The following WDPCP variants were observed in gnomAD, a reference collection of about 807,000 sequenced individuals.
WDPCP encodes WD repeat-containing and planar cell polarity effector protein fritz homolog.
WDPCP carries 71 observed loss-of-function variants against 93.1 expected under a neutral mutation model. The observed-to-expected ratio is 0.76, with a 90% CI of 0.63 to 0.93. WDPCP has a LOEUF of 0.93. Ranked by LOEUF, WDPCP falls within the 40% of genes least tolerant of loss-of-function variation. WDPCP has a pLI of 0.00. For missense variants in WDPCP, 844 were observed against 887.4 expected (o/e 0.95, Z 0.62); for synonymous variants, 315 against 315.0 (o/e 1.00, Z 0.00).
At chr2:63,653,946 CAAGA>C (rs1710137436) in intron 2 of WDPCP, among the ~76,000 whole-genome samples, 1 of 149,368 alleles carries the variant, frequency 6.7e-6, no homozygotes, top group Admixed American at 6.7e-5. Flanking sequence ...TGCAAAGACA[CAAGA>C]AAGTGTGGCT....
At chr2:63,592,727 C>A (rs1709224117), upstream of WDPCP, among the ~76,000 whole-genome samples, 1 of 152,234 alleles carries the variant, frequency 6.6e-6, no homozygotes, top group Non-Finnish European at 1.5e-5. Context: ...AGTTCTTATA[C>A]ATTTCCATCT....
At chr2:63,661,740 A>C (rs938805725) in intron 2 of WDPCP, among the ~76,000 whole-genome samples, 3 of 152,210 alleles carry the variant, frequency 2.0e-5, no homozygotes, top group Non-Finnish European at 4.4e-5. Context: ...AGCTGACATA[A>C]TAGATGCTAA....
rs938891497 is a variant in WDPCP at position 63,212,274 on chromosome 2, A to C, written c.1916-37442T>G. Among the ~76,000 whole-genome samples, 21 of 152,370 alleles carry C rather than the reference A, an allele frequency of 1.4e-4. 1 individual carries two copies. The highest frequency in any genetic ancestry group is 4.6e-4 in the African/African-American group (19 of 41,594). On this transcript the variant is annotated intron_variant, in intron 14 of 17. Transcript: ENST00000272321. ...TCAGACTAACAGCAGATCTCTTCAC[A>C]GAAACTCTACAAGCCAGAAGAGAGT...
At chr2:63,265,883 A>G (rs1320350675) in intron 13 of WDPCP, among the ~76,000 whole-genome samples, 2 of 152,228 alleles carry the variant, frequency 1.3e-5, no homozygotes, top group Admixed American at 1.3e-4. Context: ...AGTGTGATAC[A>G]GTGTATTAAC....
intron 17 of WDPCP, among the ~76,000 whole-genome samples, chr2:63,144,036 TC>T (rs1671283512): frequency 6.6e-6 from 1 of 152,218 alleles, no homozygotes; most frequent in African/African-American, 2.4e-5. Flanking sequence ...AGATATGTTT[TC>T]CAAGCTTTTA....
intron 17 of WDPCP, among the ~76,000 whole-genome samples, chr2:63,126,177 G>T (rs904115199): frequency 6.7e-6 from 1 of 150,138 alleles, no homozygotes; most frequent in African/African-American, 2.5e-5. Flanking sequence ...CAAGTGATCC[G>T]CCTGCCTTGA....
At chr2:63,804,579 T>C (rs536232379) in intron 2 of WDPCP, among the ~76,000 whole-genome samples, 4 of 150,646 alleles carry the variant, frequency 2.7e-5, no homozygotes, top group East Asian at 2.0e-4. Context: ...ATCCTAACTC[T>C]ATGTGTCCTT....
chr2:63,819,047 T>C lies in WDPCP; in HGVS notation n.223-5340A>G, dbSNP rs142219184. On this transcript the variant is annotated intron_variant and non_coding_transcript_variant, in intron 1 of 4. Transcript: ENST00000467687. ...ACACACATAGATATATGCACTCTTA[T>C]ATATGTTTTCTCCATATATCACAGT... Among the ~76,000 whole-genome samples the C allele has an allele frequency of 5.1e-4, 78 of 152,340 alleles. No homozygotes were observed. In the East Asian group the frequency reaches 0.013, roughly 24 times the overall value.
At chr2:63,696,650 G>A (rs1390169152) in intron 2 of WDPCP, among the ~76,000 whole-genome samples, 6 of 152,212 alleles carry the variant, frequency 3.9e-5, no homozygotes, top group Admixed American at 6.5e-5. Flanking sequence ...CAGAGCCCAC[G>A]TGGCTGAGAC....
At chr2:63,622,526 G>T (rs910393564) in intron 3 of WDPCP, 35 of 1,613,698 alleles carry the variant, frequency 2.2e-5, no homozygotes, top group Non-Finnish European at 3.0e-5. Flanking sequence ...TCAGCCGGGC[G>T]TGGTTGATGT....
intron 2 of WDPCP, among the ~76,000 whole-genome samples, chr2:63,803,351 T>A (rs1329445678): frequency 6.6e-6 from 1 of 152,236 alleles, no homozygotes; most frequent in African/African-American, 2.4e-5. Flanking sequence ...ATATATGGAA[T>A]ACCCACTAAA....
chr2:63,161,820 G>A (rs1672668258), intron 15 of WDPCP, among the ~76,000 whole-genome samples: 1 of 151,314 alleles, frequency 6.6e-6, no homozygotes, highest in African/African-American at 2.4e-5. Context: ...CTGGAGTGCG[G>A]TGGCACGATC....
chr2:63,273,822 C>A (rs1480534649), intron 13 of WDPCP, among the ~76,000 whole-genome samples: 1 of 143,730 alleles, frequency 7.0e-6, no homozygotes, highest in Non-Finnish European at 1.6e-5. Context: ...CACACACACA[C>A]ACACGCACAC....
chr2:63,544,012 G>T (rs1704947248), intron 1 of WDPCP, among the ~76,000 whole-genome samples: 1 of 152,072 alleles, frequency 6.6e-6, no homozygotes, highest in Non-Finnish European at 1.5e-5. Context: ...CCAATAGCTT[G>T]AGACTTCTAG....
intron 2 of WDPCP, among the ~76,000 whole-genome samples, chr2:63,489,989 T>C (rs1700781501): frequency 6.6e-6 from 1 of 151,860 alleles, no homozygotes; most frequent in Non-Finnish European, 1.5e-5. Context: ...ATAGGATGCA[T>C]TGAAATGCAT....
intron 10 of WDPCP, among the ~76,000 whole-genome samples, chr2:63,401,314 C>T (rs1448608007): frequency 6.6e-6 from 1 of 152,122 alleles, no homozygotes; most frequent in Non-Finnish European, 1.5e-5. Flanking sequence ...AAACAAACAA[C>T]CCCATCAAAA....
chr2:63,479,816 G>A (rs1267322820), intron 6 of WDPCP, among the ~76,000 whole-genome samples: 1 of 151,864 alleles, frequency 6.6e-6, no homozygotes, highest in African/African-American at 2.4e-5. Flanking sequence ...AGCCAGAGCT[G>A]GAACAAGACA....
At chr2:63,451,678 T>C (rs955007887) in intron 6 of WDPCP, among the ~76,000 whole-genome samples, 1 of 152,134 alleles carries the variant, frequency 6.6e-6, no homozygotes, top group African/African-American at 2.4e-5. Context: ...TGATGAACAC[T>C]GATGCAAAAA....
At chr2:63,410,926 T>G (rs1054346068) in intron 9 of WDPCP, among the ~76,000 whole-genome samples, 1 of 152,166 alleles carries the variant, frequency 6.6e-6, no homozygotes, top group South Asian at 2.1e-4. Flanking sequence ...ATGAGATAGA[T>G]AGCAACACAA....
Sources: gnomAD v4.1 joint callset for allele counts (sites outside exome capture counted in the v4.1 genomes callset) on GRCh38, gnomAD v4.1.1 for gene constraint, MANE v1.5 for transcripts, NCBI Gene and HGNC (gene_info 2026-07-23, HGNC 2026-07-21) for gene names.